Variants in MORC1 observed in about 807,000 individuals in gnomAD.
MORC1 encodes the protein MORC family CW-type zinc finger 1, also known as MORC family CW-type zinc finger protein 1.
MORC1 carries 59 observed loss-of-function variants against 134.9 expected under a neutral mutation model. The observed-to-expected ratio is 0.44, with a 90% confidence interval of 0.35 to 0.54. The LOEUF is 0.54. Ranked by LOEUF, MORC1 falls within the 20% of genes least tolerant of loss-of-function variation. MORC1 has a pLI of 0.00. For synonymous variants in MORC1, 395 were observed against 391.7 expected (o/e 1.01, Z -0.10); for missense variants, 947 against 1,134.5 (o/e 0.83, Z 2.37).
At position 109,003,583 on chromosome 3, in the gene MORC1, T is replaced by C. The variant is rs372143509; in HGVS notation, c.2085+1234A>G. Among the ~76,000 whole-genome samples, 5 of 152,278 alleles carry C rather than the reference T, an allele frequency of 3.3e-5. No individual in the cohort carries two copies. The East Asian group carries it at 9.6e-4, about 29-fold the overall frequency. ...ATCCTAAATCTTGAAACTGCACAGC[T>C]AATGAGTTTTTCTGGAATTCCAAGT... On this transcript the variant is annotated intron_variant, in intron 20 of 27. Coordinates refer to ENST00000232603, the MANE Select transcript of MORC1 (RefSeq NM_014429.4).
Position 109,059,844 on chromosome 3 carries a change from A to G in MORC1, c.993T>C (p.Asp331=), listed in dbSNP as rs1381233369. The G allele has an allele frequency of 1.2e-6, 2 of 1,612,640 alleles. No homozygotes were observed. Among genetic ancestry groups the G allele is most frequent in the Non-Finnish European group, 1.7e-6 (2 of 1,179,338 alleles). The change falls in exon 12 of 28, where the codon GAT becomes GAC. Residue 331 remains aspartate (D), a synonymous_variant. Coordinates refer to ENST00000232603, the MANE Select transcript of MORC1 (RefSeq NM_014429.4). ...AKDVLQRALE[D]VEAKQKNLKE... ...TAAGATTCTTTTGCTTTGCTTCTAC[A>G]TCTTCCAAAGCTCTCTGTAATACAT...
intron 8 of MORC1, among the ~76,000 whole-genome samples, chr3:109,076,164 G>A (rs1950416471): frequency 6.6e-6 from 1 of 152,102 alleles, no homozygotes; most frequent in African/African-American, 2.4e-5. Context: ...CAAAAAGTGG[G>A]CAAAAGATAT....
At chr3:109,005,878 A>C (rs1295174631) in intron 18 of MORC1, among the ~76,000 whole-genome samples, 1 of 152,182 alleles carries the variant, frequency 6.6e-6, no homozygotes, top group Non-Finnish European at 1.5e-5. Context: ...ATTAGTGTCC[A>C]CTAGTCAAGT....
intron 8 of MORC1, among the ~76,000 whole-genome samples, chr3:109,086,547 C>T (rs1241023784): frequency 6.6e-6 from 1 of 151,900 alleles, no homozygotes; most frequent in South Asian, 2.1e-4. Context: ...ACCTTGGTTT[C>T]GCAAAACGCC....
chr3:109,086,585 C>A (rs1477299647), intron 8 of MORC1, among the ~76,000 whole-genome samples: 4 of 151,920 alleles, frequency 2.6e-5, no homozygotes, highest in African/African-American at 9.7e-5. Context: ...AACCACTTAA[C>A]CCAGTAATAG....
chr3:109,016,326 C>T (rs531710774), intron 17 of MORC1, among the ~76,000 whole-genome samples: 8 of 152,292 alleles, frequency 5.3e-5, no homozygotes, highest in African/African-American at 1.9e-4. Flanking sequence ...TATCCATCTC[C>T]ACAAAGATTG....
intron 8 of MORC1, among the ~76,000 whole-genome samples, chr3:109,072,909 A>G (rs1179899719): frequency 1.3e-5 from 2 of 151,292 alleles, no homozygotes; most frequent in African/African-American, 2.4e-5. Context: ...AACTGAAGAA[A>G]GGAAGAGACA....
chr3:109,002,005 A>G (rs1287570497), intron 20 of MORC1, among the ~76,000 whole-genome samples: 1 of 152,174 alleles, frequency 6.6e-6, no homozygotes, highest in Non-Finnish European at 1.5e-5. Context: ...TTTCCTCTAC[A>G]TGATCCTCTA....
chr3:108,988,536 T>C (rs1947956922), intron 21 of MORC1, among the ~76,000 whole-genome samples: 1 of 152,198 alleles, frequency 6.6e-6, no homozygotes, highest in Non-Finnish European at 1.5e-5. Context: ...TGATATTAAG[T>C]GTCTCCAACT....
chr3:108,997,036 A>AT (rs1948253493), intron 21 of MORC1, among the ~76,000 whole-genome samples: 1 of 146,056 alleles, frequency 6.8e-6, no homozygotes, highest in Admixed American at 6.8e-5. Context: ...AAAAAAAAAA[A>AT]TGCTGTGGAA....
intron 23 of MORC1, among the ~76,000 whole-genome samples, chr3:108,982,592 CA>C (rs1440193244): frequency 8.4e-6 from 1 of 118,938 alleles, no homozygotes; most frequent in Non-Finnish European, 1.8e-5. Flanking sequence ...ATGGGGGGGG[CA>C]GGGGGAGGGA....
chr3:109,005,074 G>A lies in MORC1; in HGVS notation c.2009C>T (p.Ser670Phe), dbSNP rs781110641. The change falls in exon 19 of 28, where the codon TCC (serine) becomes TTC (phenylalanine). Residue 670 changes from serine to phenylalanine, a missense_variant. Coordinates refer to ENST00000232603, the MANE Select transcript of MORC1 (RefSeq NM_014429.4). Reference protein sequence around the residue: ...LPENVKLAERSQRSQIANITT... With the variant: ...LPENVKLAERFQRSQIANITT... ...AATAAGAAACAATAATAATACCTGG[G>A]ATCTCTCAGCTAGTTTGACATTTTC... The A allele has an allele frequency of 1.2e-6, 2 of 1,607,692 alleles. No homozygotes were observed. The highest frequency in any genetic ancestry group is 1.7e-4 in the Middle Eastern group (1 of 5,982).
intron 14 of MORC1, among the ~76,000 whole-genome samples, chr3:109,050,478 A>G (rs1949798369): frequency 6.6e-6 from 1 of 152,134 alleles, no homozygotes; most frequent in African/African-American, 2.4e-5. Flanking sequence ...ACTAATGCCA[A>G]TCACGAAGGC....
chr3:109,085,262 A>G (rs1651515104), intron 8 of MORC1, among the ~76,000 whole-genome samples: 1 of 152,060 alleles, frequency 6.6e-6, no homozygotes, highest in African/African-American at 2.4e-5. Context: ...GACAAATGGC[A>G]TTACATCAAG....
intron 1 of MORC1, among the ~76,000 whole-genome samples, chr3:109,117,336 A>G (rs1253944594): frequency 2.7e-5 from 3 of 110,884 alleles, no homozygotes; most frequent in South Asian, 5.2e-4. Context: ...GATGTCAAAA[A>G]AAAAAAAAAA....
intron 8 of MORC1, among the ~76,000 whole-genome samples, chr3:109,080,824 T>A (rs9865233): frequency 6.6e-6 from 1 of 151,982 alleles, no homozygotes; most frequent in Non-Finnish European, 1.5e-5. Context: ...TTATAAAGGC[T>A]GTAGCAATTA....
In MORC1 at chr3:109,106,519, C is replaced by T. The variant is rs116763886; in HGVS notation, c.155-2602G>A. On this transcript the variant is annotated intron_variant, in intron 3 of 27. Coordinates refer to ENST00000232603, the MANE Select transcript of MORC1 (RefSeq NM_014429.4). ...GGTATATTTTATCACTTGTTAATTA[C>T]GCGTGTCCAAAACAAAACAAACACC... 4.4e-3 allele frequency among the ~76,000 whole-genome samples: 672 copies of T among 152,236 alleles called. 15 individuals carry two copies. The highest frequency in any genetic ancestry group is 0.015 in the African/African-American group (637 of 41,546).
chr3:109,013,185 A>G (rs1024768136), intron 17 of MORC1, among the ~76,000 whole-genome samples: 10 of 151,924 alleles, frequency 6.6e-5, no homozygotes, highest in African/African-American at 2.4e-4. Context: ...TATTTTATTT[A>G]TGTTATATAA....
chr3:109,073,440 C>G (rs1950361920), intron 8 of MORC1, among the ~76,000 whole-genome samples: 1 of 152,086 alleles, frequency 6.6e-6, no homozygotes, highest in Non-Finnish European at 1.5e-5. Flanking sequence ...CCTACCTGAC[C>G]TAGTGGACAG....
Sources: gnomAD v4.1 joint callset for allele counts (sites outside exome capture counted in the v4.1 genomes callset) on GRCh38, gnomAD v4.1.1 for gene constraint, MANE v1.5 for transcripts, NCBI Gene and HGNC (gene_info 2026-07-23, HGNC 2026-07-21) for gene names.